Variants in DNM3 observed in about 807,000 individuals in gnomAD.
DNM3 encodes dynamin 3.
DNM3 carries 47 observed loss-of-function variants against 101.6 expected under a neutral mutation model. The observed-to-expected ratio is 0.46, with a 90% CI of 0.37 to 0.59. DNM3 has a LOEUF of 0.59. Ranked by LOEUF, DNM3 falls within the 20% of genes least tolerant of loss-of-function variation. DNM3 has a pLI of 0.00. For missense variants in DNM3, 849 were observed against 1,085.7 expected, an observed-to-expected ratio of 0.78 and a Z score of 3.06; for synonymous variants, 385 against 387.9, an observed-to-expected ratio of 0.99 and a Z score of 0.09.
At chr1:171,911,177 A>G (rs375732323) in intron 1 of DNM3, among the ~76,000 whole-genome samples, 5 of 152,082 alleles carry the variant, frequency 3.3e-5, no homozygotes, top group Admixed American at 2.0e-4. Context: ...TTAAATAAAC[A>G]GGATGTGACC....
intron 16 of DNM3, among the ~76,000 whole-genome samples, chr1:172,314,069 A>G (rs954919315): frequency 2.0e-5 from 3 of 152,042 alleles, no homozygotes; most frequent in Non-Finnish European, 4.4e-5. Flanking sequence ...AGGATCTAGA[A>G]CCAGAAATAC....
At chr1:171,998,128 T>C (rs2046122554) in intron 4 of DNM3, among the ~76,000 whole-genome samples, 1 of 152,148 alleles carries the variant, frequency 6.6e-6, no homozygotes, top group South Asian at 2.1e-4. Flanking sequence ...CAGATGCCAA[T>C]AGTGTAATTC....
chr1:172,111,661 G>A (rs773736339), intron 13 of DNM3, among the ~76,000 whole-genome samples: 4 of 152,124 alleles, frequency 2.6e-5, no homozygotes, highest in Non-Finnish European at 4.4e-5. Flanking sequence ...GGGAAAATGG[G>A]AGCACAGCAA....
intron 17 of DNM3, among the ~76,000 whole-genome samples, chr1:172,377,299 A>G (rs565299091): frequency 6.6e-6 from 1 of 151,974 alleles, no homozygotes; most frequent in South Asian, 2.1e-4. Flanking sequence ...AGATCTATAT[A>G]AAGTACATAG....
intron 1 of DNM3, among the ~76,000 whole-genome samples, chr1:171,885,505 A>G (rs1413386524): frequency 6.6e-6 from 1 of 152,116 alleles, no homozygotes; most frequent in Non-Finnish European, 1.5e-5. Flanking sequence ...AAATTTTTTG[A>G]AAGTTTGAAT....
chr1:172,246,392 C>T (rs574607868), intron 14 of DNM3, among the ~76,000 whole-genome samples: 30 of 151,536 alleles, frequency 2.0e-4, no homozygotes, highest in African/African-American at 6.8e-4. Flanking sequence ...TTTTAATCAA[C>T]GGATTCTACT....
At chr1:172,204,148 T>C (rs2060248681) in intron 14 of DNM3, among the ~76,000 whole-genome samples, 1 of 152,166 alleles carries the variant, frequency 6.6e-6, no homozygotes, top group African/African-American at 2.4e-5. Context: ...AATTGAGCCA[T>C]GTCAAGGAAA....
Position 172,075,298 on chromosome 1 carries a change from C to A in DNM3, c.1422+6393C>A, listed in dbSNP as rs140923048. On this transcript the variant is annotated intron_variant, in intron 11 of 20. Transcript: ENST00000627582. The stretch of plus-strand genomic sequence containing the variant: ...TCTGATGATAGTTTCTTTTGCTGTG[C>A]AGAAGCTCTTTAGTTTAATTAGATC... Among the ~76,000 whole-genome samples the A allele has an allele frequency of 5.5e-3, 840 of 152,182 alleles. 8 individuals carry two copies. The highest frequency in any genetic ancestry group is 0.018 in the African/African-American group (730 of 41,530).
chr1:172,032,999 A>G, intron 5 of DNM3, 106 bp from the exon 6 acceptor site: 1 of 1,363,150 alleles, frequency 7.3e-7, no homozygotes, highest in Non-Finnish European at 9.9e-7. Context: ...TTCAGGCCTA[A>G]AACTAGTTTT....
intron 14 of DNM3, among the ~76,000 whole-genome samples, chr1:172,226,595 C>T (rs895711747): frequency 6.6e-6 from 1 of 152,170 alleles, no homozygotes; most frequent in Non-Finnish European, 1.5e-5. Flanking sequence ...GTGCCCTACT[C>T]TCTACATTTT....
chr1:172,089,002 A>G (rs961240823), intron 12 of DNM3, among the ~76,000 whole-genome samples: 10 of 152,250 alleles, frequency 6.6e-5, no homozygotes, highest in Non-Finnish European at 1.3e-4. Flanking sequence ...TCTACGTTTT[A>G]GTGTTCTGGC....
At chr1:172,099,810 G>C (rs754622753) in intron 13 of DNM3, among the ~76,000 whole-genome samples, 1 of 152,210 alleles carries the variant, frequency 6.6e-6, no homozygotes, top group Non-Finnish European at 1.5e-5. Flanking sequence ...ACACTGGAGG[G>C]AGGGGCACAA....
At chr1:172,280,768 C>T (rs2148783964) in intron 15 of DNM3, among the ~76,000 whole-genome samples, 1 of 152,204 alleles carries the variant, frequency 6.6e-6, no homozygotes, top group African/African-American at 2.4e-5. Flanking sequence ...ATCACTGAAA[C>T]TCAAATTCAT....
chr1:172,044,735 AT>A lies in DNM3; in HGVS notation c.1196+288del, dbSNP rs1345046636. Among the ~76,000 whole-genome samples the A allele has an allele frequency of 8.5e-5, 13 of 152,246 alleles. No individual in the cohort carries two copies. The East Asian group carries it at 2.3e-3, about 27-fold the overall frequency. Reference sequence around the variant, plus strand: ...CAAGACCCCATTCTCCAGAGCCTTCATTTTTCATGAGGGAGGCCAGACATGC... The same window carrying A: ...CAAGACCCCATTCTCCAGAGCCTTCATTTTCATGAGGGAGGCCAGACATGC... On this transcript the variant is annotated intron_variant, in intron 9 of 20. Coordinates refer to ENST00000627582, the MANE Select transcript of DNM3 (RefSeq NM_015569.5).
Position 172,038,354 on chromosome 1 carries a change from CT to C in DNM3, c.887del (p.Phe296SerfsTer12). On this transcript the variant is annotated frameshift_variant, in exon 7 of 21. Coordinates refer to ENST00000627582, the MANE Select transcript of DNM3 (RefSeq NM_015569.5). LOFTEE classifies it high-confidence loss of function. Reference protein sequence around the residue: ...TNHIRDTLPNFRNKLQGQLLS... With the variant: ...TNHIRDTLPNXRNKLQGQLLS... ...ACCACATTCGGGATACCCTACCAAA[CT>C]TCAGGAACAAACTACAGGGACAGTT... 1 of 1,613,356 alleles carries C rather than the reference CT, an allele frequency of 6.2e-7. No individual in the cohort carries two copies. Among genetic ancestry groups the C allele is most frequent in the Non-Finnish European group, 8.5e-7 (1 of 1,179,566 alleles).
At chr1:172,327,447 G>T (rs185295878) in intron 17 of DNM3, among the ~76,000 whole-genome samples, 2 of 152,104 alleles carry the variant, frequency 1.3e-5, no homozygotes, top group Non-Finnish European at 2.9e-5. Flanking sequence ...GTCCTTGGTC[G>T]TATGTGAGAG....
At chr1:172,277,473 T>A (rs2063333232) in intron 15 of DNM3, among the ~76,000 whole-genome samples, 1 of 152,008 alleles carries the variant, frequency 6.6e-6, no homozygotes, top group Admixed American at 6.6e-5. Flanking sequence ...TCAAAGGCAG[T>A]GAGTGTAGGA....
chr1:172,033,307 T>C (rs770193234), intron 6 of DNM3, 42 bp downstream of exon 6: 1 of 1,517,374 alleles, frequency 6.6e-7, no homozygotes, highest in South Asian at 1.3e-5. Flanking sequence ...TTATGAAATA[T>C]GTAAGTAGGT....
intron 14 of DNM3, among the ~76,000 whole-genome samples, chr1:172,241,805 C>T (rs1422528604): frequency 1.3e-5 from 2 of 152,140 alleles, no homozygotes; most frequent in Non-Finnish European, 2.9e-5. Context: ...TCATTTGACT[C>T]ATTTTTTGAA....
Sources: allele counts gnomAD v4.1 joint callset (sites outside exome capture counted in the v4.1 genomes callset), GRCh38; gene constraint gnomAD v4.1.1; transcripts MANE v1.5; gene names NCBI Gene and HGNC (gene_info 2026-07-23, HGNC 2026-07-21).